The following MPP7 variants were observed in gnomAD, a reference collection of about 807,000 sequenced individuals.
MPP7 encodes MAGUK p55 scaffold protein 7.
A neutral mutation model predicts 76.5 loss-of-function variants in MPP7; 60 were observed. That is an observed-to-expected ratio of 0.78 (90% CI 0.64 to 0.97). MPP7 has a LOEUF of 0.97. Ranked by LOEUF, MPP7 falls within the 50% of genes least tolerant of loss-of-function variation. The pLI is 0.00. For synonymous variants in MPP7, 237 were observed against 244.5 expected (o/e 0.97, Z 0.29); for missense variants, 641 against 694.0 (o/e 0.92, Z 0.86).
At chr10:28,118,349 CTG>C in intron 11 of MPP7, 1 of 975,764 alleles carries the variant, frequency 1.0e-6, no homozygotes, top group Non-Finnish European at 1.2e-6. Flanking sequence ...TAATATCAAA[CTG>C]TACATTTCTA....
intron 11 of MPP7, chr10:28,118,316 T>G: frequency 1.0e-6 from 1 of 979,260 alleles, no homozygotes; most frequent in Non-Finnish European, 1.2e-6. Context: ...TATCAAAAAT[T>G]TTCAATCAAT....
chr10:28,081,537 A>G (rs1852759637), intron 12 of MPP7, among the ~76,000 whole-genome samples: 3 of 152,228 alleles, frequency 2.0e-5, no homozygotes, highest in African/African-American at 7.2e-5. Flanking sequence ...AGAGAAAATT[A>G]TAATACTTCT....
chr10:28,269,177 C>T (rs761011926), intron 1 of MPP7, among the ~76,000 whole-genome samples: 2 of 152,174 alleles, frequency 1.3e-5, no homozygotes, highest in Non-Finnish European at 2.9e-5. Flanking sequence ...GATGCAGGAC[C>T]TTTGGGAGAG....
At chr10:28,331,055 A>G (rs1834466181) in intron 1 of MPP7, among the ~76,000 whole-genome samples, 1 of 152,206 alleles carries the variant, frequency 6.6e-6, no homozygotes. Context: ...TTTATTTACC[A>G]TCTACCCCAC....
chr10:28,101,146 G>A (rs1232339511), intron 11 of MPP7, among the ~76,000 whole-genome samples: 3 of 152,090 alleles, frequency 2.0e-5, no homozygotes, highest in Admixed American at 2.0e-4. Context: ...ATATTTCCAA[G>A]TAGTATTCCA....
intron 3 of MPP7, among the ~76,000 whole-genome samples, chr10:28,164,359 G>A (rs1376545852): frequency 6.6e-6 from 1 of 151,638 alleles, no homozygotes; most frequent in East Asian, 1.9e-4. Context: ...TAAAATGAAG[G>A]TGTTCCAGAA....
chr10:28,309,664 T>A (rs1387494071), intron 2 of MPP7, among the ~76,000 whole-genome samples: 1 of 152,148 alleles, frequency 6.6e-6, no homozygotes, highest in East Asian at 1.9e-4. Context: ...CATTTGGATG[T>A]TTTCCCCTGA....
At position 28,096,434 on chromosome 10, in the gene MPP7, T is replaced by C. The variant is rs140979615; in HGVS notation, c.953-6593A>G. On this transcript the variant is annotated intron_variant, in intron 11 of 16. Coordinates refer to ENST00000683449, the MANE Select transcript of MPP7 (RefSeq NM_001318170.2). Reference sequence around the variant, plus strand: ...ATTTTTTTCATGTTTATTACTCACTTGCATTTCTTACTTCTGTAAATTGTT... The same window carrying C: ...ATTTTTTTCATGTTTATTACTCACTCGCATTTCTTACTTCTGTAAATTGTT... Among the ~76,000 whole-genome samples the C allele has an allele frequency of 2.4e-3, 359 of 152,318 alleles. 1 individual carries two copies. Among genetic ancestry groups the C allele is most frequent in the African/African-American group, 8.0e-3 (331 of 41,572 alleles).
chr10:28,077,930 C>T (rs1852575537), intron 12 of MPP7, among the ~76,000 whole-genome samples: 7 of 152,138 alleles, frequency 4.6e-5, no homozygotes, highest in Admixed American at 3.3e-4. Flanking sequence ...GGTTCACATA[C>T]ACTGTTACTC....
intron 1 of MPP7, among the ~76,000 whole-genome samples, chr10:28,294,362 G>T (rs745362460): frequency 5.9e-5 from 9 of 152,204 alleles, no homozygotes; most frequent in Non-Finnish European, 1.3e-4. Flanking sequence ...ACAGGCGACA[G>T]TGTGTTCTAA....
At chr10:28,110,822 T>G (rs1834484181) in intron 11 of MPP7, among the ~76,000 whole-genome samples, 1 of 152,186 alleles carries the variant, frequency 6.6e-6, no homozygotes. Flanking sequence ...TCAATACATT[T>G]GAATAATACT....
chr10:28,315,233 G>A (rs11007015), intron 2 of MPP7, among the ~76,000 whole-genome samples: 2 of 139,614 alleles, frequency 1.4e-5, no homozygotes, highest in Non-Finnish European at 3.1e-5. Flanking sequence ...GGGAGGGAGG[G>A]AGGAAGGGAG....
chr10:28,278,898 A>G (rs1404624296), intron 1 of MPP7, among the ~76,000 whole-genome samples: 1 of 151,624 alleles, frequency 6.6e-6, no homozygotes, highest in Non-Finnish European at 1.5e-5. Context: ...GCCATTCATT[A>G]TTTCTGAAAT....
At chr10:28,162,854 T>G (rs1836307790) in intron 3 of MPP7, among the ~76,000 whole-genome samples, 1 of 152,086 alleles carries the variant, frequency 6.6e-6, no homozygotes, top group African/African-American at 2.4e-5. Context: ...ATATTCTTTC[T>G]CTCACTCTCT....
At chr10:28,165,978 T>C (rs1210829302) in intron 3 of MPP7, among the ~76,000 whole-genome samples, 1 of 137,800 alleles carries the variant, frequency 7.3e-6, no homozygotes, top group Non-Finnish European at 1.5e-5. Flanking sequence ...TGAGCCAAGA[T>C]CGCGCCACTG....
intron 11 of MPP7, among the ~76,000 whole-genome samples, chr10:28,099,828 A>T (rs762479641): frequency 9.9e-5 from 15 of 152,144 alleles, no homozygotes; most frequent in Admixed American, 2.6e-4. Flanking sequence ...AAATAAATAA[A>T]AAATAAAGTT....
At chr10:28,059,549 T>C in intron 14 of MPP7, 101 bp downstream of exon 14, 1 of 676,220 alleles carries the variant, frequency 1.5e-6, no homozygotes, top group South Asian at 2.0e-5. Context: ...TTATGATAAT[T>C]AAAATACACT....
chr10:28,091,118 G>C (rs560624644), intron 11 of MPP7, among the ~76,000 whole-genome samples: 6 of 152,156 alleles, frequency 3.9e-5, no homozygotes, highest in African/African-American at 9.6e-5. Context: ...CCGTACTCTA[G>C]CCTAGGTGAC....
intron 6 of MPP7, among the ~76,000 whole-genome samples, chr10:28,125,933 T>C (rs1334581630): frequency 6.6e-6 from 1 of 152,224 alleles, no homozygotes; most frequent in Non-Finnish European, 1.5e-5. Context: ...GAATCTGGCA[T>C]TGGTTTTGCA....
Sources: gnomAD v4.1 joint callset for allele counts (sites outside exome capture counted in the v4.1 genomes callset) on GRCh38, gnomAD v4.1.1 for gene constraint, MANE v1.5 for transcripts, NCBI Gene and HGNC (gene_info 2026-07-23, HGNC 2026-07-21) for gene names.